MRNIP: variants seen among roughly 807,000 people sequenced by gnomAD.
MRNIP encodes the protein MRN complex interacting protein, also known as MRN complex-interacting protein.
In MRNIP, 30 loss-of-function variants were observed where a neutral mutation model predicts 29.8. The observed-to-expected ratio is 1.01, with a 90% CI of 0.75 to 1.36. MRNIP has a LOEUF of 1.36. Ranked by LOEUF, MRNIP falls within the 40% of genes most tolerant of loss-of-function variation. The pLI is 0.00. For synonymous variants in MRNIP, 201 were observed against 164.1 expected, an observed-to-expected ratio of 1.23 and a Z score of -1.72; for missense variants, 459 against 423.5, an observed-to-expected ratio of 1.08 and a Z score of -0.74.
Position 179,840,867 on chromosome 5 carries a change from C to G in MRNIP, c.537+5G>C, listed in dbSNP as rs774593599. 76 of 1,601,126 alleles carry G rather than the reference C, an allele frequency of 4.7e-5. No individual in the cohort carries two copies. The highest frequency in any genetic ancestry group is 5.7e-5 in the Non-Finnish European group (67 of 1,170,642). ...GGGACCAGAGAGAAACTGTTTGTCA[C>G]TGACCTTCTGGGGTCCCCAGGCGAC... On this transcript the variant is annotated splice_donor_5th_base_variant and intron_variant, in intron 6 of 6. Coordinates refer to ENST00000292586, the MANE Select transcript of MRNIP (RefSeq NM_016175.4).
At chr5:179,843,988 AAGGTAC>A (rs1759020275) in intron 4 of MRNIP, among the ~76,000 whole-genome samples, 158 bp downstream of exon 4, 1 of 152,156 alleles carries the variant, frequency 6.6e-6, no homozygotes, top group African/African-American at 2.4e-5. Flanking sequence ...ATCCTTACAA[AAGGTAC>A]AGGTTTATTT....
intron 6 of MRNIP, 77 bp from the exon 7 acceptor site, chr5:179,837,962 G>C: frequency 7.0e-7 from 1 of 1,419,990 alleles, no homozygotes; most frequent in East Asian, 2.3e-5. Flanking sequence ...CCCTGCCTGG[G>C]CCTTGGCTGG....
chr5:179,841,211 T>C (rs2113540618), intron 5 of MRNIP: 1 of 509,458 alleles, frequency 2.0e-6, no homozygotes, highest in East Asian at 3.5e-5. Context: ...AATGGCTCAC[T>C]GCCGCCTTGA....
chr5:179,840,911 C>A lies in MRNIP; in HGVS notation c.498G>T (p.Gln166His). 1 of 1,610,620 alleles carries A rather than the reference C, an allele frequency of 6.2e-7. No individual in the cohort carries two copies. Among genetic ancestry groups the A allele is most frequent in the South Asian group, 1.1e-5 (1 of 90,562 alleles). ...AGGCGACCTCAGAGCCACCCGAGTCCTGCACGCCACGGCTGCACGGAGGCT... is the reference window on the plus strand; with the variant it reads ...AGGCGACCTCAGAGCCACCCGAGTCATGCACGCCACGGCTGCACGGAGGCT... The part of the protein sequence containing the change: ...TVQPPCSRGV[Q>H]DSGGSEVAWG... Residue 166 changes from glutamine to histidine, a missense_variant, in exon 6 of 7, where the codon CAG becomes CAT. By Grantham distance (24) the Gln-to-His change is conservative. Transcript: ENST00000292586.
At chr5:179,851,615 CTTTATTTA>C (rs139272348) in intron 2 of MRNIP, among the ~76,000 whole-genome samples, 1 of 151,936 alleles carries the variant, frequency 6.6e-6, no homozygotes, top group Non-Finnish European at 1.5e-5. Context: ...CTTGCCAGCA[CTTTATTTA>C]TTTATTTATT....
chr5:179,840,639 A>T (rs1407993516), intron 6 of MRNIP: 1 of 585,660 alleles, frequency 1.7e-6, no homozygotes, highest in East Asian at 2.9e-5. Flanking sequence ...CAAGGGTCAC[A>T]ATGCTCTTTG....
In MRNIP at chr5:179,837,861, C is replaced by A. The variant is rs756026168; in HGVS notation, c.562G>T (p.Val188Leu). 3 of 1,608,326 alleles carry A rather than the reference C, an allele frequency of 1.9e-6. No individual in the cohort carries two copies. In the East Asian group the frequency reaches 6.7e-5, roughly 36 times the overall value. Residue 188 changes from valine to leucine, a missense_variant, in exon 7 of 7, where the codon GTG becomes TTG. Coordinates refer to ENST00000292586, the MANE Select transcript of MRNIP (RefSeq NM_016175.4). ...QKGQAGLTWK[V>L]KQGSSPCLQE... is the part of the protein sequence containing the mutation. ...AGGCAGGGGCTGCTGCCTTGTTTCACCTTCCATGTCAGGCCAGCCTGTCCC... is the reference window on the plus strand; with the variant it reads ...AGGCAGGGGCTGCTGCCTTGTTTCAACTTCCATGTCAGGCCAGCCTGTCCC...
chr5:179,854,081 C>T lies in MRNIP; in HGVS notation c.67-644G>A, dbSNP rs145972358. Among the ~76,000 whole-genome samples, 93 of 145,258 alleles carry T rather than the reference C, an allele frequency of 6.4e-4. No homozygotes were observed. In the East Asian group the frequency reaches 8.3e-3, roughly 13 times the overall value. On this transcript the variant is annotated intron_variant, in intron 1 of 6. Coordinates refer to ENST00000292586, the MANE Select transcript of MRNIP (RefSeq NM_016175.4). ...TGCTGCCCAGGCTGGAGTGCAGCGG[C>T]GCAATCTCGGCTCACTGCAAGCTCC...
At position 179,842,036 on chromosome 5, in the gene MRNIP, C is replaced by T; in HGVS notation, c.320G>A (p.Trp107Ter). Reference protein sequence around the residue: ...QEKSQPSESRWLKYLEKDSQE... With the variant: ...QEKSQPSESR ...GGAGTCCTTTTCTAGATACTTCAGC[C>T]AGCGACTCTCTGAGGGCTGCGATTT... Residue 107 changes from tryptophan to a stop codon, truncating the protein, a stop_gained, in exon 5 of 7, where the codon TGG becomes TAG. Transcript: ENST00000292586. LOFTEE classifies it high-confidence loss of function. 6.2e-7 allele frequency: 1 copy of T among 1,614,120 alleles called. No individual in the cohort carries two copies. Among genetic ancestry groups the T allele is most frequent in the Non-Finnish European group, 8.5e-7 (1 of 1,180,010 alleles).
intron 6 of MRNIP, chr5:179,839,813 G>A (rs1758797906): frequency 6.6e-6 from 1 of 152,378 alleles, no homozygotes; most frequent in East Asian, 1.9e-4. Context: ...ATATGCGGTG[G>A]GGCCTGCTGG....
At chr5:179,851,781 A>C (rs879617979) in intron 2 of MRNIP, among the ~76,000 whole-genome samples, 7 of 152,082 alleles carry the variant, frequency 4.6e-5, no homozygotes, top group Non-Finnish European at 8.8e-5. Context: ...GATTGACACC[A>C]TCCTGGCTAA....
At chr5:179,853,177 G>A in intron 2 of MRNIP, 1 of 1,488,326 alleles carries the variant, frequency 6.7e-7, no homozygotes. Flanking sequence ...CTTGCTGAAT[G>A]AAGAATCAAA....
At chr5:179,840,061 C>G (rs1758813792) in intron 6 of MRNIP, 1 of 152,258 alleles carries the variant, frequency 6.6e-6, no homozygotes, top group African/African-American at 2.4e-5. Context: ...TCTCCTGCCT[C>G]AGCCTCTCGA....
At chr5:179,849,602 CG>C (rs1759271945) in intron 2 of MRNIP, among the ~76,000 whole-genome samples, 2 of 129,230 alleles carry the variant, frequency 1.5e-5, no homozygotes, top group East Asian at 4.8e-4. Flanking sequence ...TGCTACGAGA[CG>C]GAATTTGAGA....
At chr5:179,838,203 G>A (rs917370404) in intron 6 of MRNIP, 1 of 409,970 alleles carries the variant, frequency 2.4e-6, no homozygotes, top group Non-Finnish European at 4.5e-6. Context: ...TGAGCAGAAG[G>A]GCCTCGAGAC....
chr5:179,856,041 T>C (rs1759564137), intron 1 of MRNIP, among the ~76,000 whole-genome samples: 2 of 150,852 alleles, frequency 1.3e-5, no homozygotes, highest in Non-Finnish European at 1.5e-5. Flanking sequence ...CCCAAGTAGC[T>C]GCGATTACAG....
At chr5:179,848,984 C>A (rs906245686) in intron 2 of MRNIP, among the ~76,000 whole-genome samples, 1 of 151,930 alleles carries the variant, frequency 6.6e-6, no homozygotes, top group Non-Finnish European at 1.5e-5. Flanking sequence ...TGCTATGGCA[C>A]AGGCAGATGG....
intron 2 of MRNIP, among the ~76,000 whole-genome samples, chr5:179,849,454 G>A (rs1759264745): frequency 6.7e-6 from 1 of 150,216 alleles, no homozygotes; most frequent in African/African-American, 2.5e-5. Flanking sequence ...GTACGAGACG[G>A]AATTTGAGAG....
chr5:179,841,181 C>T (rs949662480), intron 5 of MRNIP: 6 of 549,404 alleles, frequency 1.1e-5, no homozygotes, highest in Admixed American at 3.3e-5. Flanking sequence ...AGGGTCTCAC[C>T]GGCACCCAGG....
Sources: allele counts gnomAD v4.1 joint callset (sites outside exome capture counted in the v4.1 genomes callset), GRCh38; gene constraint gnomAD v4.1.1; transcripts MANE v1.5; gene names NCBI Gene and HGNC (gene_info 2026-07-23, HGNC 2026-07-21).